The following PCDHA4 variants were observed in gnomAD, a reference collection of about 807,000 sequenced individuals.
The protein encoded by PCDHA4 is protocadherin alpha-4.
PCDHA4 carries 49 observed loss-of-function variants against 61.4 expected under a neutral mutation model. The observed-to-expected ratio is 0.80, with a 90% confidence interval of 0.63 to 1.01. The LOEUF (loss-of-function observed/expected upper bound fraction) is 1.01, where lower values mean the gene tolerates loss of function less well. Ranked by LOEUF, PCDHA4 falls within the 50% of genes least tolerant of loss-of-function variation. The pLI is 0.00. For synonymous variants in PCDHA4, 590 were observed against 550.3 expected (o/e 1.07, Z -1.01); for missense variants, 1,254 against 1,235.8 (o/e 1.01, Z -0.22).
At chr5:140,972,344 C>T (rs1379310170) in intron 1 of PCDHA4, among the ~76,000 whole-genome samples, 26 of 151,148 alleles carry the variant, frequency 1.7e-4, no homozygotes, top group African/African-American at 6.3e-4. Context: ...AGATGGGGGT[C>T]TCACTATGTT....
intron 1 of PCDHA4, chr5:140,870,904 G>A (rs1554164810): frequency 1.9e-6 from 3 of 1,613,840 alleles, no homozygotes; most frequent in African/African-American, 2.7e-5. Context: ...TGCGGACTCA[G>A]GCTACAACGC....
At chr5:140,876,876 C>T (rs1439703522) in intron 1 of PCDHA4, 1 of 1,614,012 alleles carries the variant, frequency 6.2e-7, no homozygotes, top group Non-Finnish European at 8.5e-7. Context: ...AGGAGAACAA[C>T]CCGCCGGGCT....
chr5:140,928,852 G>T, intron 1 of PCDHA4: 1 of 1,614,172 alleles, frequency 6.2e-7, no homozygotes, highest in Non-Finnish European at 8.5e-7. Flanking sequence ...CACTCTGGGT[G>T]TGCTGTTGAG....
chr5:140,979,088 A>G, intron 2 of PCDHA4, 81 bp downstream of exon 2: 1 of 1,559,594 alleles, frequency 6.4e-7, no homozygotes, highest in Non-Finnish European at 8.7e-7. Flanking sequence ...ATAGGCCAGA[A>G]GCAGCTGTCA....
intron 1 of PCDHA4, among the ~76,000 whole-genome samples, chr5:140,952,764 G>A (rs1554220603): frequency 6.6e-6 from 1 of 152,116 alleles, no homozygotes; most frequent in Non-Finnish European, 1.5e-5. Flanking sequence ...CCTGAGACTG[G>A]ATAATTTAGA....
intron 1 of PCDHA4, chr5:140,828,810 C>G: frequency 3.1e-6 from 5 of 1,614,142 alleles, no homozygotes; most frequent in Non-Finnish European, 4.2e-6. Context: ...GATAATGCTC[C>G]CACTTTCGAA....
chr5:140,952,028 T>C (rs2094677235), intron 1 of PCDHA4, among the ~76,000 whole-genome samples: 1 of 152,164 alleles, frequency 6.6e-6, no homozygotes, highest in Non-Finnish European at 1.5e-5. Flanking sequence ...AAGTCCGAAA[T>C]CCAGTAGGGC....
At position 140,858,448 on chromosome 5, in the gene PCDHA4, C is replaced by G. The variant is rs1554151646; in HGVS notation, c.2385+48876C>G. The G allele has an allele frequency of 1.3e-6, 2 of 1,532,196 alleles. 1 individual carries two copies. The highest frequency in any genetic ancestry group is 2.8e-5 in the African/African-American group (2 of 72,594). 94.9% of individuals were successfully genotyped at this position (1,532,196 alleles called of 1,614,324 possible). ...ACCACTCTAGGAAGGTGGGTTATTA[C>G]GTTTTCATTTTCCTTTTGTGCTTTA... On this transcript the variant is annotated intron_variant, in intron 1 of 3. Transcript: ENST00000530339.
rs572273107 is a variant in PCDHA4, at chr5:140,941,410, G to A, written c.2386-37539G>A. 1.3e-4 allele frequency among the ~76,000 whole-genome samples: 19 copies of A among 147,656 alleles called. 1 individual carries two copies. In the South Asian group the frequency reaches 3.3e-3, roughly 26 times the overall value. ...TGGCTCACTGCAACCTCCGCCTCCC[G>A]GGTTCAAGCAATTCTCTGCCTCAGC... On this transcript the variant is annotated intron_variant, in intron 1 of 3. Transcript: ENST00000530339.
intron 1 of PCDHA4, chr5:140,871,206 C>T (rs781837610): frequency 2.5e-6 from 4 of 1,613,668 alleles, no homozygotes; most frequent in African/African-American, 1.3e-5. Flanking sequence ...ACCTGATCAT[C>T]GCCATCTGCG....
chr5:140,847,503 C>G lies in PCDHA4; in HGVS notation c.2385+37931C>G, dbSNP rs1445726989. 5 of 149,698 alleles carry G rather than the reference C, an allele frequency of 3.3e-5. 1 individual carries two copies. Among genetic ancestry groups the G allele is most frequent in the Non-Finnish European group, 7.5e-5 (5 of 66,942 alleles). The allele number at this position is 149,698 out of a possible 1,614,324, so 9.3% of individuals were successfully genotyped here. Reference sequence around the variant, plus strand: ...TAAGATAGTAAAACTCACAACAAAACTTTGTAGAACTTAGTCAGGAAAAGA... The same window carrying G: ...TAAGATAGTAAAACTCACAACAAAAGTTTGTAGAACTTAGTCAGGAAAAGA... On this transcript the variant is annotated intron_variant, in intron 1 of 3. Transcript: ENST00000530339.
At chr5:140,852,973 T>G (rs2150526500) in intron 1 of PCDHA4, 26 of 368,004 alleles carry the variant, frequency 7.1e-5, no homozygotes, top group Non-Finnish European at 9.8e-5. Flanking sequence ...CCCCCTCCCG[T>G]GTTCACGCCA....
intron 1 of PCDHA4, among the ~76,000 whole-genome samples, chr5:140,937,638 CATGGTGG>C (rs1563162054): frequency 2.0e-5 from 3 of 150,048 alleles, no homozygotes; most frequent in South Asian, 4.2e-4. Flanking sequence ...AAAGGCAGGG[CATGGTGG>C]CTCACGCCTG....
intron 1 of PCDHA4, chr5:140,869,696 A>T: frequency 6.2e-7 from 1 of 1,613,472 alleles, no homozygotes; most frequent in Non-Finnish European, 8.5e-7. Context: ...ATTTTAAAGA[A>T]GTCTCTGGAT....
At chr5:140,870,771 C>G (rs370490786) in intron 1 of PCDHA4, 13 of 1,613,466 alleles carry the variant, frequency 8.1e-6, no homozygotes, top group Non-Finnish European at 1.1e-5. Context: ...TCGTGCTGGA[C>G]GAGAACGACA....
intron 1 of PCDHA4, chr5:140,829,542 C>A: frequency 6.2e-7 from 1 of 1,612,968 alleles, no homozygotes; most frequent in South Asian, 1.1e-5. Context: ...GACGCGGACG[C>A]GCAGGAGAAC....
At chr5:140,891,499 C>T (rs896936552) in intron 1 of PCDHA4, among the ~76,000 whole-genome samples, 1 of 151,838 alleles carries the variant, frequency 6.6e-6, no homozygotes, top group South Asian at 2.1e-4. Flanking sequence ...ATATCCTCAG[C>T]TATAATGTTC....
chr5:140,924,900 A>AT lies in PCDHA4; in HGVS notation c.2386-54049_2386-54048insT, dbSNP rs1563068012. 8.8e-4 allele frequency among the ~76,000 whole-genome samples: 56 copies of AT among 63,318 alleles called. 1 individual carries two copies. The highest frequency in any genetic ancestry group is 8.1e-3 in the Middle Eastern group (1 of 124). 41.5% of individuals were successfully genotyped at this position (63,318 alleles called of 152,430 possible). On this transcript the variant is annotated intron_variant, in intron 1 of 3. Coordinates refer to ENST00000530339, the MANE Select transcript of PCDHA4 (RefSeq NM_018907.4). ...ACAGAGCAAGAACCTGTCTCAAAAA[A>AT]AAAAATAAAATAAAATAAAATAAAA...
At chr5:140,877,924 A>T in intron 1 of PCDHA4, 1 of 1,419,290 alleles carries the variant, frequency 7.0e-7, no homozygotes, top group Non-Finnish European at 9.3e-7. Flanking sequence ...ATTTTTCTTT[A>T]TGATTCTATC....
Sources: gnomAD v4.1 joint callset for allele counts (sites outside exome capture counted in the v4.1 genomes callset) on GRCh38, gnomAD v4.1.1 for gene constraint, MANE v1.5 for transcripts, NCBI Gene and HGNC (gene_info 2026-07-23, HGNC 2026-07-21) for gene names.